BRAF: variants seen among roughly 807,000 people sequenced by gnomAD.
BRAF encodes the protein serine/threonine-protein kinase B-raf.
A neutral mutation model predicts 104.6 loss-of-function variants in BRAF; 16 were observed. The ratio of observed to expected loss-of-function variants is 0.15; its 90% CI spans 0.10 to 0.23. The LOEUF (loss-of-function observed/expected upper bound fraction) is 0.23, where lower values mean the gene tolerates loss of function less well. BRAF is among the 10% of genes least tolerant of loss of function. The pLI is 1.00. For synonymous variants in BRAF, 310 were observed against 341.6 expected, an observed-to-expected ratio of 0.91 and a Z score of 1.02; for missense variants, 541 against 937.3, an observed-to-expected ratio of 0.58 and a Z score of 5.52.
intron 8 of BRAF, among the ~76,000 whole-genome samples, chr7:140,793,836 A>C (rs1025451879): frequency 6.6e-6 from 1 of 152,148 alleles, no homozygotes; most frequent in Non-Finnish European, 1.5e-5. Flanking sequence ...TATGTTGCCT[A>C]GGCTGGTCTC....
At chr7:140,873,009 T>A (rs766666052) in intron 1 of BRAF, among the ~76,000 whole-genome samples, 3 of 152,216 alleles carry the variant, frequency 2.0e-5, no homozygotes, top group Non-Finnish European at 2.9e-5. Context: ...AAAAATCATA[T>A]CAATACTACT....
intron 16 of BRAF, 26 bp from the exon 16 acceptor site, chr7:140,749,444 T>C (rs760320159): frequency 6.2e-7 from 1 of 1,610,596 alleles, no homozygotes; most frequent in East Asian, 2.2e-5. Flanking sequence ...AAGAAAAATA[T>C]TCTTCACTTC....
At chr7:140,845,478 C>T (rs758113159) in intron 2 of BRAF, among the ~76,000 whole-genome samples, 14 of 152,194 alleles carry the variant, frequency 9.2e-5, no homozygotes, top group South Asian at 2.1e-4. Context: ...TAAAGAACTA[C>T]GCTCAATAAC....
At chr7:140,921,084 T>C (rs781741455) in intron 1 of BRAF, among the ~76,000 whole-genome samples, 23 of 152,206 alleles carry the variant, frequency 1.5e-4, no homozygotes, top group Non-Finnish European at 1.9e-4. Flanking sequence ...ATCAGAGATC[T>C]TGAAAACAGA....
intron 17 of BRAF, among the ~76,000 whole-genome samples, chr7:140,746,182 G>C: frequency 6.6e-6 from 1 of 152,146 alleles, no homozygotes; most frequent in Non-Finnish European, 1.5e-5. Context: ...TAATACACTT[G>C]AAATAACAGA....
downstream of BRAF, among the ~76,000 whole-genome samples, chr7:140,717,897 T>C (rs1436786946): frequency 2.6e-5 from 4 of 152,194 alleles, no homozygotes; most frequent in African/African-American, 9.7e-5. Flanking sequence ...CATTTATTTT[T>C]ATTTTTAGCG....
At chr7:140,889,492 T>C (rs931631949) in intron 1 of BRAF, among the ~76,000 whole-genome samples, 31 of 152,064 alleles carry the variant, frequency 2.0e-4, no homozygotes, top group African/African-American at 7.2e-4. Context: ...CTACTAGGGG[T>C]AATGTGCTCA....
rs1297357581 is a variant in BRAF at position 140,747,439 on chromosome 7, A to G, written c.2112+1848T>C. Reference sequence around the variant, plus strand: ...ATCATTTATTATACTCCCATGGAGGACAAAGCACCTAAAATGCCAAGAAGT... The same window carrying G: ...ATCATTTATTATACTCCCATGGAGGGCAAAGCACCTAAAATGCCAAGAAGT... On this transcript the variant is annotated intron_variant, in intron 17 of 19. Coordinates refer to ENST00000644969, the MANE Select transcript of BRAF (RefSeq NM_001374258.1). 3.1e-6 allele frequency: 4 copies of G among 1,288,544 alleles called. No homozygotes were observed. In the Admixed American group the frequency reaches 9.2e-5, roughly 30 times the overall value. The allele number at this position is 1,288,544 out of a possible 1,614,324, so 79.8% of individuals were successfully genotyped here. A position where few individuals can be genotyped will look rare whatever the true frequency, so the allele number is the denominator to read the frequency against.
At chr7:140,872,664 G>C (rs1305160556) in intron 1 of BRAF, among the ~76,000 whole-genome samples, 1 of 151,984 alleles carries the variant, frequency 6.6e-6, no homozygotes, top group Non-Finnish European at 1.5e-5. Context: ...AGACCAACCT[G>C]GGCAACATAG....
intron 2 of BRAF, among the ~76,000 whole-genome samples, chr7:140,840,713 C>A (rs1386395844): frequency 6.6e-6 from 1 of 150,814 alleles, no homozygotes; most frequent in Non-Finnish European, 1.5e-5. Flanking sequence ...ATGGCTTGAG[C>A]CTAGGAGGTA....
At chr7:140,788,743 C>G (rs985103819) in intron 8 of BRAF, among the ~76,000 whole-genome samples, 1 of 152,196 alleles carries the variant, frequency 6.6e-6, no homozygotes, top group Non-Finnish European at 1.5e-5. Context: ...CACGCACCAC[C>G]ATGCCTGGCT....
intron 3 of BRAF, among the ~76,000 whole-genome samples, chr7:140,825,159 G>A (rs181907679): frequency 2.0e-5 from 3 of 151,816 alleles, no homozygotes; most frequent in Admixed American, 2.0e-4. Context: ...TAGTAAAGAT[G>A]GGGTTTCACC....
chr7:140,878,061 CA>C (rs911303564), intron 1 of BRAF, among the ~76,000 whole-genome samples: 2 of 151,500 alleles, frequency 1.3e-5, no homozygotes, highest in Non-Finnish European at 2.9e-5. Flanking sequence ...AAAGACTGTA[CA>C]AAAAAGAAAA....
At chr7:140,834,379 G>A in intron 3 of BRAF, 1 of 642,652 alleles carries the variant, frequency 1.6e-6, no homozygotes, top group East Asian at 2.7e-5. Context: ...GTTCAAGTTT[G>A]GCAGACAGGT....
intron 3 of BRAF, among the ~76,000 whole-genome samples, chr7:140,819,652 T>C (rs1586281057): frequency 6.6e-6 from 1 of 152,192 alleles, no homozygotes; most frequent in East Asian, 1.9e-4. Flanking sequence ...TACTGAGCCA[T>C]AAGAAGGCAT....
In BRAF at chr7:140,723,765, T is replaced by C; in HGVS notation, c.*2729A>G. 9.5e-7 allele frequency: 1 copy of C among 1,048,840 alleles called. No individual in the cohort carries two copies. The highest frequency in any genetic ancestry group is 1.2e-6 in the Non-Finnish European group (1 of 868,910). The allele number at this position is 1,048,840 out of a possible 1,614,324, so 65.0% of individuals were successfully genotyped here. On this transcript the variant is annotated 3_prime_UTR_variant, in exon 20 of 20. Coordinates refer to ENST00000644969, the MANE Select transcript of BRAF (RefSeq NM_001374258.1). ...GCAGCCACTTTACAGACAAGACTGT[T>C]ACACCCTTACAAGATGATCAGTGAC...
intron 15 of BRAF, chr7:140,753,664 A>G (rs1365776644): frequency 5.8e-6 from 2 of 343,530 alleles, no homozygotes; most frequent in Non-Finnish European, 1.1e-5. Context: ...AGGAGAACCT[A>G]AAACTTTCCC....
chr7:140,868,548 T>A lies in BRAF; in HGVS notation c.139-18336A>T, dbSNP rs1172800374. Among the ~76,000 whole-genome samples, 3 of 151,832 alleles carry A rather than the reference T, an allele frequency of 2.0e-5. 1 individual carries two copies. The Middle Eastern group carries it at 9.5e-3, about 480-fold the overall frequency. ...ATAGAAAAATCCACAGAGACAGAAA[T>A]TAGATTGCCTAGAAATGGGGGGAAT... is the stretch of plus-strand genomic sequence containing the variant. On this transcript the variant is annotated intron_variant, in intron 1 of 19. Coordinates refer to ENST00000644969, the MANE Select transcript of BRAF (RefSeq NM_001374258.1).
downstream of BRAF, among the ~76,000 whole-genome samples, chr7:140,715,469 A>G (rs565090507): frequency 6.6e-6 from 1 of 152,212 alleles, no homozygotes; most frequent in Admixed American, 6.5e-5. Context: ...ACTCCCCAAT[A>G]TCAATAAAAG....
Sources: allele counts gnomAD v4.1 joint callset (sites outside exome capture counted in the v4.1 genomes callset), GRCh38; gene constraint gnomAD v4.1.1; transcripts MANE v1.5; gene names NCBI Gene and HGNC (gene_info 2026-07-23, HGNC 2026-07-21).